The following MYO18B variants were observed in gnomAD, a reference collection of about 807,000 sequenced individuals.
The protein encoded by MYO18B is unconventional myosin-XVIIIb.
A neutral mutation model predicts 273.0 loss-of-function variants in MYO18B; 204 were observed. The observed-to-expected ratio is 0.75, with a 90% CI of 0.67 to 0.84. The LOEUF is 0.84. MYO18B is among the 40% of genes least tolerant of loss of function. MYO18B has a pLI of 0.00. For synonymous variants in MYO18B, 1,330 were observed against 1,305.7 expected, an observed-to-expected ratio of 1.02 and a Z score of -0.40; for missense variants, 3,212 against 3,287.6, an observed-to-expected ratio of 0.98 and a Z score of 0.56.
the MYO18B span, among the ~76,000 whole-genome samples, chr22:26,038,699 A>G: frequency 3.5e-4 from 54 of 152,150 alleles, no homozygotes; most frequent in Admixed American, 2.8e-3. Flanking sequence ...AAATTTTCCT[A>G]TGTGGTCTAA....
At chr22:26,005,765 G>A (rs770143689) in intron 42 of MYO18B, among the ~76,000 whole-genome samples, 2 of 152,192 alleles carry the variant, frequency 1.3e-5, no homozygotes, top group Non-Finnish European at 2.9e-5. Flanking sequence ...GACTCAAAAC[G>A]TGTTTGCTTT....
chr22:25,935,631 G>A (rs921953409), intron 34 of MYO18B, among the ~76,000 whole-genome samples: 1 of 152,090 alleles, frequency 6.6e-6, no homozygotes, highest in Admixed American at 6.5e-5. Flanking sequence ...AAAAATGGGG[G>A]TACTTGGTTA....
intron 17 of MYO18B, among the ~76,000 whole-genome samples, chr22:25,836,767 C>T (rs1011947731): frequency 6.6e-6 from 1 of 152,058 alleles, no homozygotes; most frequent in Admixed American, 6.5e-5. Context: ...TTGAGACCAG[C>T]ATGGCCAACG....
intron 40 of MYO18B, among the ~76,000 whole-genome samples, chr22:25,998,788 G>A (rs534186393): frequency 5.3e-5 from 8 of 152,262 alleles, no homozygotes; most frequent in Non-Finnish European, 1.0e-4. Flanking sequence ...AGGCCAGGGA[G>A]AACAGCTTAA....
chr22:25,946,320 G>T, intron 35 of MYO18B, 70 bp downstream of exon 35: 1 of 1,079,916 alleles, frequency 9.3e-7, no homozygotes, highest in Non-Finnish European at 1.4e-6. Flanking sequence ...TGTGGGCCTA[G>T]TGTGCGCTCA....
At chr22:25,997,430 G>T (rs1443929083) in intron 40 of MYO18B, among the ~76,000 whole-genome samples, 1 of 152,036 alleles carries the variant, frequency 6.6e-6, no homozygotes, top group Non-Finnish European at 1.5e-5. Context: ...GCCCTTCTGG[G>T]CATGGGTCGC....
the MYO18B span, among the ~76,000 whole-genome samples, chr22:26,058,854 T>C: frequency 6.6e-6 from 1 of 152,140 alleles, no homozygotes; most frequent in African/African-American, 2.4e-5. Flanking sequence ...AAAAATCCTC[T>C]TTTCTTTATA....
intron 43 of MYO18B, among the ~76,000 whole-genome samples, chr22:26,028,812 C>T (rs138394541): frequency 0.081 from 11,954 of 146,890 alleles, 509 homozygotes; most frequent in Middle Eastern, 0.16. Context: ...GGCATGAACC[C>T]GGGAGGCGGA....
chr22:25,882,901 T>A (rs564448117), intron 25 of MYO18B, among the ~76,000 whole-genome samples: 141 of 152,310 alleles, frequency 9.3e-4, no homozygotes, highest in East Asian at 1.3e-3. Flanking sequence ...AATTAATTTT[T>A]ATTTTTATTT....
intron 34 of MYO18B, among the ~76,000 whole-genome samples, chr22:25,926,775 C>A (rs1193884591): frequency 6.6e-6 from 1 of 152,172 alleles, no homozygotes. Flanking sequence ...GTCCTAGAAG[C>A]AGGCTATAAC....
intron 10 of MYO18B, 74 bp downstream of exon 10, chr22:25,781,908 T>C: frequency 9.3e-7 from 1 of 1,070,550 alleles, no homozygotes; most frequent in Non-Finnish European, 1.3e-6. Context: ...GGGCCCAGCC[T>C]TAGCTTCTGC....
At chr22:26,013,954 T>A (rs1935108945) in intron 42 of MYO18B, among the ~76,000 whole-genome samples, 1 of 152,190 alleles carries the variant, frequency 6.6e-6, no homozygotes, top group Non-Finnish European at 1.5e-5. Flanking sequence ...GTCACTTACC[T>A]TTTTCACTCT....
At position 25,772,443 on chromosome 22, in the gene MYO18B, A is replaced by G; in HGVS notation, c.1802A>G (p.His601Arg). Residue 601 changes from histidine (H) to arginine (R), a missense_variant, in exon 7 of 44, where the codon CAC (histidine) becomes CGC (arginine). Physicochemically the swap from His to Arg is conservative, Grantham distance 29. Transcript: ENST00000335473. ...LLQRYKAQLL[H>R]TCTGPDLIVL... ...CAGCGCTACAAAGCTCAGCTGCTGC[A>G]CACCTGCACAGGGCCTGATCTGATT... 6.2e-7 allele frequency: 1 copy of G among 1,614,032 alleles called. No individual in the cohort carries two copies. Among genetic ancestry groups the G allele is most frequent in the Non-Finnish European group, 8.5e-7 (1 of 1,179,900 alleles).
intron 17 of MYO18B, 84 bp downstream of exon 17, chr22:25,835,527 G>T: frequency 6.4e-7 from 1 of 1,560,372 alleles, no homozygotes; most frequent in Non-Finnish European, 8.7e-7. Context: ...GGAAAGCCCT[G>T]ACAAGGCCTG....
chr22:25,997,871 C>T (rs1053593806), intron 40 of MYO18B, among the ~76,000 whole-genome samples: 12 of 150,952 alleles, frequency 7.9e-5, no homozygotes, highest in Non-Finnish European at 1.2e-4. Flanking sequence ...GGGACTGGTT[C>T]GAGGTACTTC....
rs1485924947 is a variant in MYO18B at position 25,768,682 on chromosome 22, G to C, written c.766G>C (p.Ala256Pro). ...GTPKTTELKE[A>P]EPQGKDRQGT... ...CCCCAAGACCACAGAGCTGAAAGAG[G>C]CTGAGCCCCAGGGCAAAGACAGGCA... Residue 256 changes from alanine to proline, a missense_variant, in exon 4 of 44, where the codon GCT (alanine) becomes CCT (proline). By Grantham distance (27) the Ala-to-Pro change is conservative. Transcript: ENST00000335473. 6 of 1,558,550 alleles carry C rather than the reference G, an allele frequency of 3.8e-6. No homozygotes were observed. The highest frequency in any genetic ancestry group is 3.9e-5 in the Admixed American group (2 of 51,868).
chr22:25,751,264 C>T (rs368835775), intron 1 of MYO18B, among the ~76,000 whole-genome samples: 1 of 152,218 alleles, frequency 6.6e-6, no homozygotes, highest in Admixed American at 6.5e-5. Flanking sequence ...GATTTAGGCA[C>T]TTAGGTTATC....
chr22:25,979,550 G>T (rs1454912252), intron 39 of MYO18B, among the ~76,000 whole-genome samples: 1 of 152,150 alleles, frequency 6.6e-6, no homozygotes, highest in Non-Finnish European at 1.5e-5. Flanking sequence ...CCCCTGCTCA[G>T]TTGGTATCAA....
intron 21 of MYO18B, among the ~76,000 whole-genome samples, chr22:25,856,286 T>C (rs2090571466): frequency 6.6e-6 from 1 of 152,224 alleles, no homozygotes; most frequent in Non-Finnish European, 1.5e-5. Context: ...ATTTTCCTCA[T>C]GATTAGGGGT....
Sources: allele counts gnomAD v4.1 joint callset (sites outside exome capture counted in the v4.1 genomes callset), GRCh38; gene constraint gnomAD v4.1.1; transcripts MANE v1.5; gene names NCBI Gene and HGNC (gene_info 2026-07-23, HGNC 2026-07-21).